Variants in SNX29 observed in about 807,000 individuals in gnomAD.
The protein encoded by SNX29 is sorting nexin-29.
In SNX29, 78 loss-of-function variants were observed where a neutral mutation model predicts 102.1. The ratio of observed to expected loss-of-function variants is 0.76; its 90% confidence interval spans 0.64 to 0.92. The LOEUF is 0.92. Ranked by LOEUF, SNX29 falls within the 40% of genes least tolerant of loss-of-function variation. The pLI is 0.00. For synonymous variants in SNX29, 580 were observed against 414.5 expected (o/e 1.40, Z -4.85); for missense variants, 1,280 against 1,061.7 (o/e 1.21, Z -2.86).
At chr16:12,562,741 A>C (rs12931604) in intron 20 of SNX29, among the ~76,000 whole-genome samples, 4 of 152,010 alleles carry the variant, frequency 2.6e-5, no homozygotes, top group Admixed American at 1.3e-4. Flanking sequence ...CTTTTATGGC[A>C]TAGTTCCTTG....
chr16:12,503,329 T>A (rs2089216174), intron 19 of SNX29, among the ~76,000 whole-genome samples: 1 of 152,190 alleles, frequency 6.6e-6, no homozygotes, highest in Non-Finnish European at 1.5e-5. Context: ...TTTAAGCAGC[T>A]GCTCCAGGTG....
chr16:12,535,916 G>C (rs2077064048), intron 20 of SNX29, among the ~76,000 whole-genome samples: 2 of 152,180 alleles, frequency 1.3e-5, no homozygotes, highest in Non-Finnish European at 2.9e-5. Context: ...ATTGAAGAAA[G>C]GGCTAGAAAA....
chr16:12,439,122 G>C (rs1054803638), intron 18 of SNX29, among the ~76,000 whole-genome samples: 1 of 152,212 alleles, frequency 6.6e-6, no homozygotes, highest in Non-Finnish European at 1.5e-5. Context: ...CTTTCCCAGA[G>C]GCCCTCCACC....
chr16:12,142,730 AT>A (rs1280656805), intron 13 of SNX29, among the ~76,000 whole-genome samples: 1 of 151,414 alleles, frequency 6.6e-6, no homozygotes, highest in African/African-American at 2.4e-5. Context: ...CGCCTGGCTA[AT>A]TTTTTTGTAT....
intron 9 of SNX29, among the ~76,000 whole-genome samples, chr16:12,062,248 G>A (rs868778616): frequency 1.3e-5 from 2 of 151,890 alleles, no homozygotes; most frequent in African/African-American, 2.4e-5. Context: ...GTATGGTGGT[G>A]TGTGCCTGTA....
chr16:12,539,589 G>T (rs968493808), intron 20 of SNX29, among the ~76,000 whole-genome samples: 4 of 152,168 alleles, frequency 2.6e-5, no homozygotes, highest in Non-Finnish European at 4.4e-5. Flanking sequence ...TTTCATTTCT[G>T]TGCGGCAAAT....
At chr16:12,205,494 C>G (rs1009770244) in intron 14 of SNX29, among the ~76,000 whole-genome samples, 12 of 152,200 alleles carry the variant, frequency 7.9e-5, no homozygotes, top group African/African-American at 2.7e-4. Flanking sequence ...CACCCTCCCT[C>G]TTGCTGTCTC....
chr16:11,998,762 C>G (rs1284248139), intron 1 of SNX29, among the ~76,000 whole-genome samples: 2 of 152,190 alleles, frequency 1.3e-5, no homozygotes, highest in Admixed American at 6.5e-5. Flanking sequence ...TAAGTTCAAC[C>G]TCAGCTGCTG....
At chr16:12,290,503 CG>C (rs1347884241) in intron 15 of SNX29, among the ~76,000 whole-genome samples, 1 of 152,182 alleles carries the variant, frequency 6.6e-6, no homozygotes, top group Non-Finnish European at 1.5e-5. Flanking sequence ...CCTCCTAGTA[CG>C]GTGTCGTGAA....
chr16:12,059,781 T>A (rs1445642531), intron 8 of SNX29, among the ~76,000 whole-genome samples: 1 of 152,192 alleles, frequency 6.6e-6, no homozygotes, highest in Non-Finnish European at 1.5e-5. Flanking sequence ...TTTGTTGATT[T>A]TAGAGTAGCT....
rs2050333674 is a variant in SNX29, at chr16:12,052,171, A to G, written c.1073A>G (p.Tyr358Cys). The change falls in exon 8 of 21, where the codon TAT becomes TGT. Residue 358 changes from tyrosine to cysteine, a missense_variant. By Grantham distance (194) the Tyr-to-Cys change is radical. Transcript: ENST00000566228. Reference sequence around the variant, plus strand: ...GTGGATGAAAACGAAGATGACGTGTATGGAAACTCATCAGGAAGGAAGCAC... The same window carrying G: ...GTGGATGAAAACGAAGATGACGTGTGTGGAAACTCATCAGGAAGGAAGCAC... Reference protein sequence around the residue: ...EDVDENEDDVYGNSSGRKHRG... With the variant: ...EDVDENEDDVCGNSSGRKHRG... The G allele has an allele frequency of 6.2e-6, 10 of 1,613,860 alleles. No homozygotes were observed. The highest frequency in any genetic ancestry group is 8.5e-6 in the Non-Finnish European group (10 of 1,179,876).
chr16:12,109,478 T>C (rs984568132), intron 11 of SNX29, among the ~76,000 whole-genome samples: 2 of 152,222 alleles, frequency 1.3e-5, no homozygotes, highest in African/African-American at 4.8e-5. Context: ...CACGTCTCAG[T>C]ACTGCTACTG....
At chr16:12,511,482 C>A (rs879435360) in intron 19 of SNX29, among the ~76,000 whole-genome samples, 14 of 152,138 alleles carry the variant, frequency 9.2e-5, no homozygotes, top group Admixed American at 2.0e-4. Context: ...TGATAAAGGT[C>A]CTATTATTGT....
intron 15 of SNX29, among the ~76,000 whole-genome samples, chr16:12,334,723 C>T (rs966968957): frequency 1.3e-5 from 2 of 152,092 alleles, no homozygotes; most frequent in Non-Finnish European, 2.9e-5. Flanking sequence ...ATGGAAAGCT[C>T]CCACATAGGT....
At chr16:12,022,435 A>G (rs1054295804) in intron 3 of SNX29, among the ~76,000 whole-genome samples, 18 of 152,142 alleles carry the variant, frequency 1.2e-4, no homozygotes, top group African/African-American at 4.3e-4. Flanking sequence ...TCCTGACCTC[A>G]GGTGATCTGC....
chr16:12,554,061 A>C (rs2078165891), intron 20 of SNX29, among the ~76,000 whole-genome samples: 1 of 152,176 alleles, frequency 6.6e-6, no homozygotes, highest in East Asian at 1.9e-4. Context: ...CCTGACCTCA[A>C]ATGATCCTCT....
At chr16:12,263,295 T>C (rs2078834961) in intron 14 of SNX29, among the ~76,000 whole-genome samples, 1 of 152,070 alleles carries the variant, frequency 6.6e-6, no homozygotes, top group Admixed American at 6.6e-5. Context: ...AGCCAGCTAA[T>C]TTTTATATTT....
intron 15 of SNX29, among the ~76,000 whole-genome samples, chr16:12,332,950 G>A (rs774284805): frequency 7.9e-5 from 12 of 152,038 alleles, no homozygotes; most frequent in East Asian, 3.9e-4. Context: ...CTGCTCGTGC[G>A]GTTAGTGTGC....
rs896054738 is a variant in SNX29, at chr16:12,220,466, C to G, written c.1678+20783C>G. On this transcript the variant is annotated intron_variant, in intron 14 of 20. Coordinates refer to ENST00000566228, the MANE Select transcript of SNX29 (RefSeq NM_032167.5). ...GACAGGCAGGGGTCAAGCAGGCAGACTCTGCGTGACCTGCTATGAGGCTGT... is the reference window on the plus strand; with the variant it reads ...GACAGGCAGGGGTCAAGCAGGCAGAGTCTGCGTGACCTGCTATGAGGCTGT... Among the ~76,000 whole-genome samples the G allele has an allele frequency of 5.3e-5, 8 of 152,206 alleles. No homozygotes were observed. The South Asian group carries it at 1.7e-3, about 32-fold the overall frequency.
Sources: allele counts gnomAD v4.1 joint callset (sites outside exome capture counted in the v4.1 genomes callset), GRCh38; gene constraint gnomAD v4.1.1; transcripts MANE v1.5; gene names NCBI Gene and HGNC (gene_info 2026-07-23, HGNC 2026-07-21).